The following TOGARAM1 variants were observed in gnomAD, a reference collection of about 807,000 sequenced individuals.
TOGARAM1 encodes TOG array regulator of axonemal microtubules protein 1.
Under a neutral mutation model 166.6 loss-of-function variants are expected in TOGARAM1, and 100 were observed. That is an observed-to-expected ratio of 0.60 (90% CI 0.51 to 0.71). The LOEUF is 0.71. TOGARAM1 is among the 30% of genes least tolerant of loss of function. TOGARAM1 has a pLI of 0.00. For synonymous variants in TOGARAM1, 758 were observed against 763.8 expected (o/e 0.99, Z 0.13); for missense variants, 2,029 against 2,102.7 (o/e 0.96, Z 0.69).
At position 45,052,574 on chromosome 14, in the gene TOGARAM1, A is replaced by G; in HGVS notation, c.4440+12A>G. The G allele has an allele frequency of 6.3e-7, 1 of 1,580,118 alleles. No individual in the cohort carries two copies. Among genetic ancestry groups the G allele is most frequent in the Non-Finnish European group, 8.6e-7 (1 of 1,159,288 alleles). ...ACTTACAGCAAAAGGTATGTGGGAA[A>G]AGTTTGTTTTATAAACAGCTTTATA... On this transcript the variant is annotated intron_variant, in intron 15 of 19. Transcript: ENST00000361462.
At chr14:45,039,868 C>A (rs1367258084) in intron 11 of TOGARAM1, among the ~76,000 whole-genome samples, 2 of 152,156 alleles carry the variant, frequency 1.3e-5, no homozygotes, top group East Asian at 3.9e-4. Flanking sequence ...CTGTTCCTGG[C>A]TCCCGCTGGC....
chr14:44,984,210 A>C (rs1824132780), intron 1 of TOGARAM1, among the ~76,000 whole-genome samples: 2 of 152,156 alleles, frequency 1.3e-5, no homozygotes, highest in Admixed American at 6.5e-5. Flanking sequence ...GAAAGTGAGA[A>C]TATCCATATC....
intron 1 of TOGARAM1, among the ~76,000 whole-genome samples, chr14:44,992,072 T>TAAAAAAAAAAAAAAAAAAAA (rs71108676): frequency 2.6e-5 from 1 of 37,952 alleles, no homozygotes. Flanking sequence ...CCCTGTCTGT[T>TAAAAAAAAAAAAAAAAAAAA]AAAAAAAAAA....
chr14:45,019,892 G>T (rs904425218), intron 7 of TOGARAM1, among the ~76,000 whole-genome samples: 6 of 152,110 alleles, frequency 3.9e-5, no homozygotes, highest in African/African-American at 1.4e-4. Flanking sequence ...TGCTGAATTG[G>T]GGCATAGTAG....
intron 7 of TOGARAM1, among the ~76,000 whole-genome samples, chr14:45,017,853 C>A (rs1418755087): frequency 6.9e-6 from 1 of 144,840 alleles, no homozygotes; most frequent in Non-Finnish European, 1.5e-5. Context: ...CCACTGCACT[C>A]CTGGGTGACA....
chr14:44,999,622 T>C (rs1887604057), intron 3 of TOGARAM1, 125 bp downstream of exon 3: 7 of 793,618 alleles, frequency 8.8e-6, no homozygotes, highest in Admixed American at 3.6e-5. Flanking sequence ...TTTTGTTATA[T>C]TTTTAATAAC....
intron 1 of TOGARAM1, among the ~76,000 whole-genome samples, chr14:44,993,803 C>T (rs908370048): frequency 6.6e-6 from 1 of 152,172 alleles, no homozygotes; most frequent in Admixed American, 6.5e-5. Flanking sequence ...CCACCCTCAT[C>T]AACATTACCA....
chr14:45,006,023 A>G lies in TOGARAM1; in HGVS notation c.2660A>G (p.Glu887Gly), dbSNP rs748979930. The G allele has an allele frequency of 4.4e-5, 68 of 1,546,714 alleles. 1 individual carries two copies. In the South Asian group the frequency reaches 8.2e-4, roughly 19 times the overall value. ...TTTCATGCAGGAGAAAATTCTCAAG[A>G]AAAACCTCCAGTTCAGCTTACACCT... is the stretch of plus-strand genomic sequence containing the variant. Reference protein sequence around the residue: ...TGRNHGENSQEKPPVQLTPAL... With the variant: ...TGRNHGENSQGKPPVQLTPAL... Residue 887 changes from glutamate to glycine, a missense_variant, in exon 5 of 20, where the codon GAA becomes GGA. Physicochemically the swap from Glu to Gly is moderately conservative, Grantham distance 98. Around this residue, in one of 2 missense-constraint regions of TOGARAM1, gnomAD observed 1,453 missense variants for 1,432.2 expected, o/e 1.01. Transcript: ENST00000361462.
In TOGARAM1 at chr14:45,025,837, C is replaced by T. The variant is rs761961547; in HGVS notation, c.3293C>T (p.Ala1098Val). 3.1e-6 allele frequency: 5 copies of T among 1,608,568 alleles called. No homozygotes were observed. In the East Asian group the frequency reaches 6.7e-5, roughly 22 times the overall value. ...AGTTTTGACTTCACAACCACAAAGG[C>T]TTTATCAGAAGACTCAGTAGTAGTT... ...ISSFDFTTTK[A>V]LSEDSVVVVG... Residue 1098 changes from alanine to valine, a missense_variant, in exon 8 of 20, where the codon GCT becomes GTT. By Grantham distance (64) the Ala-to-Val change is moderately conservative. This residue lies in a region of TOGARAM1 where 1,453 missense variants were observed against 1,432.2 expected (regional missense o/e 1.01). Coordinates refer to ENST00000361462, the MANE Select transcript of TOGARAM1 (RefSeq NM_001308120.2).
intron 15 of TOGARAM1, among the ~76,000 whole-genome samples, chr14:45,054,181 CA>C (rs1408020111): frequency 1.3e-5 from 2 of 152,036 alleles, no homozygotes; most frequent in African/African-American, 4.8e-5. Flanking sequence ...CAAAATACAG[CA>C]TATTAATTTT....
intron 11 of TOGARAM1, among the ~76,000 whole-genome samples, chr14:45,042,798 A>G (rs1285315692): frequency 6.6e-6 from 1 of 152,146 alleles, no homozygotes; most frequent in Non-Finnish European, 1.5e-5. Context: ...TCTTTTTGCT[A>G]GTGGAGGATC....
intron 11 of TOGARAM1, among the ~76,000 whole-genome samples, chr14:45,032,813 C>G (rs890327570): frequency 2.6e-5 from 4 of 152,194 alleles, no homozygotes; most frequent in Non-Finnish European, 5.9e-5. Context: ...TCAGCGGGAG[C>G]ATCCACTTAC....
In TOGARAM1 at chr14:45,029,714, G is replaced by A. The variant is rs567784235; in HGVS notation, c.3658+1385G>A. 3.9e-5 allele frequency among the ~76,000 whole-genome samples: 6 copies of A among 152,274 alleles called. No individual in the cohort carries two copies. In the South Asian group the frequency reaches 1.2e-3, roughly 32 times the overall value. ...ACTCATCTATGATAACATACATACA[G>A]ACAATATTTAGCTTCTAGAAACTAT... On this transcript the variant is annotated intron_variant, in intron 10 of 19. Coordinates refer to ENST00000361462, the MANE Select transcript of TOGARAM1 (RefSeq NM_001308120.2).
intron 4 of TOGARAM1, among the ~76,000 whole-genome samples, 158 bp from the exon 5 acceptor site, chr14:45,005,850 T>A (rs1186100277): frequency 6.6e-6 from 1 of 152,220 alleles, no homozygotes; most frequent in African/African-American, 2.4e-5. Flanking sequence ...TCAAATATTG[T>A]ATCGAAAGCC....
chr14:44,969,278 A>G (rs947954012), intron 1 of TOGARAM1, among the ~76,000 whole-genome samples: 3 of 151,484 alleles, frequency 2.0e-5, no homozygotes, highest in African/African-American at 4.9e-5. Context: ...CAGGCTCCCA[A>G]GTAGCTGAGA....
intron 13 of TOGARAM1, among the ~76,000 whole-genome samples, chr14:45,045,630 T>TAC (rs1566660820): frequency 1.0e-4 from 12 of 117,608 alleles, no homozygotes; most frequent in African/African-American, 4.0e-4. Context: ...TATATATGTA[T>TAC]ATATATACAT....
rs745560761 is a variant in TOGARAM1, at chr14:44,963,122, C to T, written c.701C>T (p.Thr234Ile). 1.2e-6 allele frequency: 2 copies of T among 1,614,188 alleles called. No homozygotes were observed. Among genetic ancestry groups the T allele is most frequent in the South Asian group, 2.2e-5 (2 of 91,076 alleles). Reference protein sequence around the residue: ...ESTDARLRASTALLLPILLTT... With the variant: ...ESTDARLRASIALLLPILLTT... ...ACCGATGCCCGACTTAGAGCTTCCA[C>T]AGCACTACTGCTTCCCATCTTGCTT... Residue 234 changes from threonine to isoleucine, a missense_variant, in exon 1 of 20, where the codon ACA becomes ATA. Thr to Ile is a moderately conservative substitution (Grantham distance 89). Around this residue, in one of 2 missense-constraint regions of TOGARAM1, gnomAD observed 1,453 missense variants for 1,432.2 expected, o/e 1.01. Coordinates refer to ENST00000361462, the MANE Select transcript of TOGARAM1 (RefSeq NM_001308120.2).
rs1356646599 is a variant in TOGARAM1, at chr14:45,065,197, A to G, written c.4560-1381A>G. 2.6e-5 allele frequency among the ~76,000 whole-genome samples: 4 copies of G among 152,156 alleles called. No individual in the cohort carries two copies. In the East Asian group the frequency reaches 7.7e-4, roughly 29 times the overall value. ...AAAAAAATAAAATAGATAGAAAGAT[A>G]GAGTGAGACTCTGCATCTAAAATAG... On this transcript the variant is annotated intron_variant, in intron 16 of 19. Transcript: ENST00000361462.
At chr14:44,987,657 G>A in intron 1 of TOGARAM1, among the ~76,000 whole-genome samples, 1 of 148,024 alleles carries the variant, frequency 6.8e-6, no homozygotes, top group South Asian at 2.2e-4. Flanking sequence ...ACTGTTGGTG[G>A]GACTGTAAAC....
Sources: gnomAD v4.1 joint callset for allele counts (sites outside exome capture counted in the v4.1 genomes callset) on GRCh38, gnomAD v4.1.1 for gene constraint, gnomAD v4.1.1 regional missense constraint, MANE v1.5 for transcripts, NCBI Gene and HGNC (gene_info 2026-07-23, HGNC 2026-07-21) for gene names.